The following UFD1 variants were observed in gnomAD, a reference collection of about 807,000 sequenced individuals.
UFD1 encodes the protein ubiquitin recognition factor in ER associated degradation 1.
In UFD1, 13 loss-of-function variants were observed where a neutral mutation model predicts 45.9. The ratio of observed to expected loss-of-function variants is 0.28; its 90% confidence interval spans 0.18 to 0.45. The LOEUF is 0.45. Ranked by LOEUF, UFD1 falls within the 20% of genes least tolerant of loss-of-function variation. UFD1 has a pLI of 1.00. For synonymous variants in UFD1, 128 were observed against 139.2 expected, an observed-to-expected ratio of 0.92 and a Z score of 0.56; for missense variants, 218 against 389.2, an observed-to-expected ratio of 0.56 and a Z score of 3.70.
Position 19,450,753 on chromosome 22 carries a change from G to A in UFD1, c.850-9C>T. Reference sequence around the variant, plus strand: ...CTGCCTCCAGCTTCATCCTAGGTTTGAAGAGAAGATACTATTTTCAGAAAC... The same window carrying A: ...CTGCCTCCAGCTTCATCCTAGGTTTAAAGAGAAGATACTATTTTCAGAAAC... On this transcript the variant is annotated splice_polypyrimidine_tract_variant and intron_variant, in intron 11 of 11. Transcript: ENST00000263202. The A allele has an allele frequency of 6.2e-7, 1 of 1,614,076 alleles. No homozygotes were observed. The highest frequency in any genetic ancestry group is 8.5e-7 in the Non-Finnish European group (1 of 1,180,002).
chr22:19,457,406 G>A (rs950293949), intron 7 of UFD1, among the ~76,000 whole-genome samples: 38 of 152,272 alleles, frequency 2.5e-4, no homozygotes, highest in Non-Finnish European at 4.1e-4. Context: ...TAACTTTTTG[G>A]GATTGGCTTT....
intron 10 of UFD1, 138 bp downstream of exon 10, chr22:19,455,542 G>T: frequency 1.3e-6 from 1 of 744,666 alleles, no homozygotes. Context: ...CCCCACCAAG[G>T]AGAGCAGCTA....
chr22:19,461,885 G>A (rs1367788635), intron 6 of UFD1, among the ~76,000 whole-genome samples: 1 of 151,704 alleles, frequency 6.6e-6, no homozygotes, highest in Non-Finnish European at 1.5e-5. Context: ...TGTCAAATAA[G>A]TTGGCTCATT....
At chr22:19,454,574 T>C (rs2089708035) in intron 11 of UFD1, 175 bp downstream of exon 11, 4 of 1,367,078 alleles carry the variant, frequency 2.9e-6, no homozygotes, top group East Asian at 2.8e-5. Context: ...CCATGTGAAC[T>C]GTAAGTCCAT....
chr22:19,461,712 G>A (rs2089767957), intron 6 of UFD1, among the ~76,000 whole-genome samples: 2 of 152,096 alleles, frequency 1.3e-5, no homozygotes, highest in South Asian at 4.1e-4. Context: ...TTGCTTGAGT[G>A]TGAGGAAGAA....
chr22:19,450,547 T>C lies in UFD1; in HGVS notation c.*123A>G. 1 of 1,255,458 alleles carries C rather than the reference T, an allele frequency of 8.0e-7. No individual in the cohort carries two copies. The highest frequency in any genetic ancestry group is 1.3e-5 in the South Asian group (1 of 74,204). 77.8% of individuals were successfully genotyped at this position (1,255,458 alleles called of 1,614,324 possible). On this transcript the variant is annotated 3_prime_UTR_variant, in exon 12 of 12. Transcript: ENST00000263202. ...AAACTTAATAATTCTTAGGTAACTC[T>C]AAATAAATCTTAAGTAACAGAGTAT...
intron 3 of UFD1, among the ~76,000 whole-genome samples, chr22:19,474,362 T>C (rs1307024775): frequency 1.3e-5 from 2 of 152,000 alleles, no homozygotes; most frequent in African/African-American, 4.8e-5. Flanking sequence ...CTGCCCAACA[T>C]GGCGGAACCC....
At chr22:19,453,315 G>GTC (rs2089697552) in intron 11 of UFD1, 1 of 985,380 alleles carries the variant, frequency 1.0e-6, no homozygotes, top group South Asian at 4.7e-5. Flanking sequence ...CTCTTCCACT[G>GTC]TCTTTCTTAC....
At chr22:19,451,960 T>G in intron 11 of UFD1, 1 of 984,866 alleles carries the variant, frequency 1.0e-6, no homozygotes. Flanking sequence ...TATTTCTACC[T>G]TATTCCTTCA....
chr22:19,473,650 A>G (rs755196037), intron 3 of UFD1, among the ~76,000 whole-genome samples: 40 of 152,240 alleles, frequency 2.6e-4, no homozygotes, highest in Non-Finnish European at 4.9e-4. Context: ...GGGTATAGCC[A>G]CAGCCAGTGC....
chr22:19,470,986 C>G (rs2089840771), intron 4 of UFD1, among the ~76,000 whole-genome samples: 1 of 152,194 alleles, frequency 6.6e-6, no homozygotes, highest in Non-Finnish European at 1.5e-5. Context: ...GTGAACTTCC[C>G]TAATGTGCCA....
At chr22:19,454,195 G>A in intron 11 of UFD1, 1 of 987,416 alleles carries the variant, frequency 1.0e-6, no homozygotes, top group Non-Finnish European at 1.2e-6. Context: ...CCCCCATGCT[G>A]CAAGTCTTCT....
intron 3 of UFD1, among the ~76,000 whole-genome samples, chr22:19,473,762 T>C (rs1258963103): frequency 2.0e-5 from 3 of 152,136 alleles, no homozygotes; most frequent in Admixed American, 2.0e-4. Flanking sequence ...ATATCCCCAA[T>C]TAAAGAAGAG....
chr22:19,456,412 G>C, intron 9 of UFD1, 175 bp downstream of exon 9: 4 of 784,108 alleles, frequency 5.1e-6, no homozygotes, highest in Non-Finnish European at 8.3e-6. Context: ...CCAGGAGAGA[G>C]TGGATACAAA....
intron 4 of UFD1, among the ~76,000 whole-genome samples, chr22:19,468,261 T>A (rs1457298193): frequency 1.3e-5 from 2 of 152,204 alleles, no homozygotes. Flanking sequence ...CCCGGATTAC[T>A]CACTAGCTCC....
Position 19,451,417 on chromosome 22 carries a change from C to T in UFD1, c.850-673G>A, listed in dbSNP as rs117651420. The stretch of plus-strand genomic sequence containing the variant: ...ATTCCTGGGTCAAAGTGTGTACACA[C>T]TTTTAATGCTTTTAACATATAGAGA... On this transcript the variant is annotated intron_variant, in intron 11 of 11. Coordinates refer to ENST00000263202, the MANE Select transcript of UFD1 (RefSeq NM_005659.7). 6,794 of 985,306 alleles carry T rather than the reference C, an allele frequency of 6.9e-3. 32 individuals carry two copies. Among genetic ancestry groups the T allele is most frequent in the Middle Eastern group, 0.015 (29 of 1,914 alleles). The allele number at this position is 985,306 out of a possible 1,614,324, so 61.0% of individuals were successfully genotyped here. A position where few individuals can be genotyped will look rare whatever the true frequency, so the allele number is the denominator to read the frequency against.
Position 19,456,184 on chromosome 22 carries a change from A to G in UFD1, c.678+403T>C, listed in dbSNP as rs566187737. The stretch of plus-strand genomic sequence containing the variant: ...CATGAACCACCTCCACCTGTTTCCC[A>G]TGGAGCCTTGCCAGTAGTTATGCTA... On this transcript the variant is annotated intron_variant, in intron 9 of 11. Coordinates refer to ENST00000263202, the MANE Select transcript of UFD1 (RefSeq NM_005659.7). 3.3e-5 allele frequency among the ~76,000 whole-genome samples: 5 copies of G among 152,256 alleles called. No homozygotes were observed. The South Asian group carries it at 1.0e-3, about 32-fold the overall frequency.
rs138182285 is a variant in UFD1, at chr22:19,455,829, C to A, written c.679-61G>T. 1.3e-4 allele frequency: 203 copies of A among 1,507,618 alleles called. No individual in the cohort carries two copies. The African/African-American group carries it at 2.6e-3, about 19-fold the overall frequency. 93.4% of individuals were successfully genotyped at this position (1,507,618 alleles called of 1,614,324 possible). On this transcript the variant is annotated intron_variant, in intron 9 of 11. Transcript: ENST00000263202. Reference sequence around the variant, plus strand: ...AAGTGTGAGGACGATATGTCCTTTGCTTGGAGATCACTGCAGGGATGTGAG... The same window carrying A: ...AAGTGTGAGGACGATATGTCCTTTGATTGGAGATCACTGCAGGGATGTGAG...
At position 19,455,774 on chromosome 22, in the gene UFD1, C is replaced by G; in HGVS notation, c.679-6G>C. The G allele has an allele frequency of 6.2e-7, 1 of 1,613,914 alleles. No individual in the cohort carries two copies. Among genetic ancestry groups the G allele is most frequent in the African/African-American group, 1.3e-5 (1 of 75,014 alleles). On this transcript the variant is annotated splice_polypyrimidine_tract_variant and splice_region_variant and intron_variant, in intron 9 of 11. Coordinates refer to ENST00000263202, the MANE Select transcript of UFD1 (RefSeq NM_005659.7). ...TTGCCAGATCCAGAGAAAGCCTAGA[C>G]AGGAAGTAGGTGAGTCATATAATAA...
Sources: gnomAD v4.1 joint callset for allele counts (sites outside exome capture counted in the v4.1 genomes callset) on GRCh38, gnomAD v4.1.1 for gene constraint, MANE v1.5 for transcripts, NCBI Gene and HGNC (gene_info 2026-07-23, HGNC 2026-07-21) for gene names.